Variants in TMEM42 observed in about 807,000 individuals in gnomAD.
TMEM42 encodes the protein transmembrane protein 42.
In TMEM42, 8 loss-of-function variants were observed where a neutral mutation model predicts 14.0. The observed-to-expected ratio is 0.57, with a 90% CI of 0.34 to 1.03. The LOEUF (loss-of-function observed/expected upper bound fraction) is 1.03, where lower values mean the gene tolerates loss of function less well. TMEM42 is among the 50% of genes least tolerant of loss of function. The probability of loss-of-function intolerance (pLI) is 0.03; values close to 1 mark genes in which losing one functional copy is unlikely to be tolerated. For synonymous variants in TMEM42, 115 were observed against 94.3 expected, an observed-to-expected ratio of 1.22 and a Z score of -1.27; for missense variants, 211 against 219.8, an observed-to-expected ratio of 0.96 and a Z score of 0.25.
At chr3:44,863,352 G>A (rs1699284528) in intron 1 of TMEM42, 1 of 118,862 alleles carries the variant, frequency 8.4e-6, no homozygotes, top group Non-Finnish European at 1.6e-5. Context: ...TCACCACCAA[G>A]CAAGGGGGAC....
chr3:44,865,130 C>T lies in TMEM42; in HGVS notation c.430C>T (p.His144Tyr), dbSNP rs748174992. The change falls in exon 3 of 3, where the codon CAC (histidine) becomes TAC (tyrosine). Residue 144 changes from histidine (H) to tyrosine (Y), a missense_variant. Transcript: ENST00000302392. ...FLILCGLTLI[H>Y]RKLPPTWKPL... ...TATTCTCTGCGGACTCACCCTAATC[C>T]ACAGGAAGCTCCCACCCACCTGGAA... is the stretch of plus-strand genomic sequence containing the variant. 2.5e-6 allele frequency: 4 copies of T among 1,614,148 alleles called. No individual in the cohort carries two copies. Among genetic ancestry groups the T allele is most frequent in the Non-Finnish European group, 3.4e-6 (4 of 1,180,022 alleles).
intron 1 of TMEM42, 160 bp from the exon 2 acceptor site, chr3:44,864,037 A>G (rs1392084360): frequency 5.5e-6 from 4 of 730,732 alleles, no homozygotes; most frequent in Non-Finnish European, 9.0e-6. Flanking sequence ...ACTGAGGGTT[A>G]AGTGAAGCCC....
Position 44,865,197 on chromosome 3 carries a change from G to A in TMEM42, c.*17G>A, listed in dbSNP as rs778901542. 11 of 1,613,950 alleles carry A rather than the reference G, an allele frequency of 6.8e-6. No individual in the cohort carries two copies. Among genetic ancestry groups the A allele is most frequent in the East Asian group, 4.5e-5 (2 of 44,864 alleles). On this transcript the variant is annotated 3_prime_UTR_variant, in exon 3 of 3. Transcript: ENST00000302392. ...CAGCAGTAGCACCACTTGGCTAGAC[G>A]GACCAGCTGGAAAGATCATGATGGT...
At chr3:44,864,098 A>C in intron 1 of TMEM42, 99 bp from the exon 2 acceptor site, 1 of 1,495,084 alleles carries the variant, frequency 6.7e-7, no homozygotes, top group Non-Finnish European at 9.2e-7. Flanking sequence ...GCTCAGTAGG[A>C]GCCTGGGTGC....
At chr3:44,864,117 A>G in intron 1 of TMEM42, 80 bp from the exon 2 acceptor site, 1 of 1,582,276 alleles carries the variant, frequency 6.3e-7, no homozygotes, top group Non-Finnish European at 8.6e-7. Flanking sequence ...GCCAGCAACC[A>G]CAGTCCTGGG....
chr3:44,865,279 C>A lies in TMEM42; in HGVS notation c.*99C>A. ...ATCCTAGGGCGATCCAGTTGTGCAG[C>A]CTTCTGACCATCAGCCAAGGGAAGC... On this transcript the variant is annotated 3_prime_UTR_variant, in exon 3 of 3. Transcript: ENST00000302392. The A allele has an allele frequency of 6.6e-7, 1 of 1,512,810 alleles. No homozygotes were observed. The highest frequency in any genetic ancestry group is 1.8e-5 in the Admixed American group (1 of 56,374). 93.7% of individuals were successfully genotyped at this position (1,512,810 alleles called of 1,614,324 possible).
chr3:44,861,950 G>A lies in TMEM42; in HGVS notation c.26G>A (p.Gly9Asp). ...ATGGCCGAGAGGCCGGGGCCTCCGG[G>A]CGGCGCCGTGTCCGCGACCGCGTAC... MAERPGPP[G>D]GAVSATAYPD... Residue 9 changes from glycine (G) to aspartate (D), a missense_variant, in exon 1 of 3, where the codon GGC (glycine) becomes GAC (aspartate). Coordinates refer to ENST00000302392, the MANE Select transcript of TMEM42 (RefSeq NM_144638.3). 7.1e-7 allele frequency: 1 copy of A among 1,407,838 alleles called. No individual in the cohort carries two copies. Among genetic ancestry groups the A allele is most frequent in the East Asian group, 3.0e-5 (1 of 32,998 alleles). 87.2% of individuals were successfully genotyped at this position (1,407,838 alleles called of 1,614,324 possible).
intron 1 of TMEM42, 25 bp from the exon 2 acceptor site, chr3:44,864,172 G>A (rs546536597): frequency 6.2e-7 from 1 of 1,612,650 alleles, no homozygotes; most frequent in Non-Finnish European, 8.5e-7. Flanking sequence ...GGTGGACGTG[G>A]CTGCAGTGAC....
intron 2 of TMEM42, 118 bp downstream of exon 2, chr3:44,864,461 G>A (rs1012016111): frequency 5.3e-6 from 7 of 1,311,286 alleles, no homozygotes; most frequent in Non-Finnish European, 5.3e-6. Flanking sequence ...CAGAGGTTGG[G>A]CTGTGGCTTG....
Position 44,865,434 on chromosome 3 carries a change from C to T in TMEM42, c.*254C>T, listed in dbSNP as rs895126852. 29 of 474,482 alleles carry T rather than the reference C, an allele frequency of 6.1e-5. No homozygotes were observed. The highest frequency in any genetic ancestry group is 2.5e-4 in the African/African-American group (13 of 52,384). The allele number at this position is 474,482 out of a possible 1,614,324, so 29.4% of individuals were successfully genotyped here. A position where few individuals can be genotyped will look rare whatever the true frequency, so the allele number is the denominator to read the frequency against. On this transcript the variant is annotated 3_prime_UTR_variant, in exon 3 of 3. Transcript: ENST00000302392. ...TCCCAGGCCTACCCCAGTGAGCCTT[C>T]GCAGATGCTGGAGATCCTGGGGTTG...
rs1169242821 is a variant in TMEM42, at chr3:44,861,998, C to T, written c.74C>T (p.Pro25Leu). The T allele has an allele frequency of 1.4e-6, 2 of 1,386,438 alleles. No homozygotes were observed. The highest frequency in any genetic ancestry group is 6.0e-5 in the East Asian group (2 of 33,416). 85.9% of individuals were successfully genotyped at this position (1,386,438 alleles called of 1,614,324 possible). ...TACCCTGACACCCCCGCGGAATTCCCTCCGCACCTCCAGGCGGGTGCGATG... is the reference window on the plus strand; with the variant it reads ...TACCCTGACACCCCCGCGGAATTCCTTCCGCACCTCCAGGCGGGTGCGATG... The part of the protein sequence containing the change: ...TAYPDTPAEF[P>L]PHLQAGAMRR... The change falls in exon 1 of 3, where the codon CCT becomes CTT. Residue 25 changes from proline (P) to leucine (L), a missense_variant. Transcript: ENST00000302392.
At position 44,865,367 on chromosome 3, in the gene TMEM42, C is replaced by T. The variant is rs1331478675; in HGVS notation, c.*187C>T. On this transcript the variant is annotated 3_prime_UTR_variant, in exon 3 of 3. Transcript: ENST00000302392. ...AGGTGCAGCTGCAGCAGTGTTCTAC[C>T]GGAAGTGTTTTGATCATCTGTACAG... The T allele has an allele frequency of 6.7e-6, 5 of 745,598 alleles. No homozygotes were observed. The highest frequency in any genetic ancestry group is 1.8e-5 in the South Asian group (1 of 54,446). 46.2% of individuals were successfully genotyped at this position (745,598 alleles called of 1,614,324 possible).
At chr3:44,864,900 G>T in intron 2 of TMEM42, 140 bp from the exon 3 acceptor site, 1 of 1,067,748 alleles carries the variant, frequency 9.4e-7, no homozygotes, top group South Asian at 1.6e-5. Context: ...CTTGATGAAG[G>T]TGACAGCTAG....
rs377066913 is a variant in TMEM42 at position 44,864,315 on chromosome 3, C to A, written c.311C>A (p.Thr104Lys). The A allele has an allele frequency of 6.2e-7, 1 of 1,614,070 alleles. No individual in the cohort carries two copies. The highest frequency in any genetic ancestry group is 8.5e-7 in the Non-Finnish European group (1 of 1,180,046). Residue 104 changes from threonine to lysine, a missense_variant, in exon 2 of 3, where the codon ACA becomes AAA. Coordinates refer to ENST00000302392, the MANE Select transcript of TMEM42 (RefSeq NM_144638.3). ...FSMSSAIASVTVTFSNILSSA... is the reference protein window; with the variant it reads ...FSMSSAIASVKVTFSNILSSA... Reference sequence around the variant, plus strand: ...ATGTCTTCAGCCATTGCATCTGTCACAGTGACTTTTTCAAATATCCTCAGC... The same window carrying A: ...ATGTCTTCAGCCATTGCATCTGTCAAAGTGACTTTTTCAAATATCCTCAGC...
chr3:44,865,146 C>A lies in TMEM42; in HGVS notation c.446C>A (p.Pro149His). Residue 149 changes from proline (P) to histidine (H), a missense_variant, in exon 3 of 3, where the codon CCC becomes CAC. Physicochemically the swap from Pro to His is moderately conservative, Grantham distance 77. Transcript: ENST00000302392. ...GLTLIHRKLPPTWKPLPHKQQ is the reference protein window; with the variant it reads ...GLTLIHRKLPHTWKPLPHKQQ ...ACCCTAATCCACAGGAAGCTCCCAC[C>A]CACCTGGAAGCCCCTTCCACACAAG... is the stretch of plus-strand genomic sequence containing the variant. The A allele has an allele frequency of 6.2e-7, 1 of 1,614,176 alleles. No homozygotes were observed. Among genetic ancestry groups the A allele is most frequent in the South Asian group, 1.1e-5 (1 of 91,082 alleles).
At chr3:44,864,538 GA>G (rs965569733) in intron 2 of TMEM42, among the ~76,000 whole-genome samples, 195 bp downstream of exon 2, 9 of 152,150 alleles carry the variant, frequency 5.9e-5, no homozygotes, top group African/African-American at 2.2e-4. Flanking sequence ...TCTTAAGTTA[GA>G]TATGAGTGAA....
At position 44,865,029 on chromosome 3, in the gene TMEM42, T is replaced by C. The variant is rs1201623249; in HGVS notation, c.340-11T>C. ...GAAGTTGAGTCCCTCACAGCTATCTTTGTCTCGCAGGCCTTCCTGGGCTAT... is the reference window on the plus strand; with the variant it reads ...GAAGTTGAGTCCCTCACAGCTATCTCTGTCTCGCAGGCCTTCCTGGGCTAT... On this transcript the variant is annotated splice_polypyrimidine_tract_variant and intron_variant, in intron 2 of 2. Coordinates refer to ENST00000302392, the MANE Select transcript of TMEM42 (RefSeq NM_144638.3). 6.2e-7 allele frequency: 1 copy of C among 1,613,782 alleles called. No homozygotes were observed. The highest frequency in any genetic ancestry group is 1.7e-5 in the Admixed American group (1 of 60,000).
rs894996285 is a variant in TMEM42, at chr3:44,863,986, T to C, written c.193-211T>C. On this transcript the variant is annotated intron_variant, in intron 1 of 2. Transcript: ENST00000302392. ...CCAGCAAGGTGGCCAAATGAGTATC[T>C]TCTCTGAATTTGCTTTATTTGTAAG... The C allele has an allele frequency of 5.3e-6, 3 of 562,884 alleles. No homozygotes were observed. In the East Asian group the frequency reaches 8.5e-5, roughly 16 times the overall value. 34.9% of individuals were successfully genotyped at this position (562,884 alleles called of 1,614,324 possible).
intron 1 of TMEM42, chr3:44,863,111 T>TA (rs1437455288): frequency 1.8e-4 from 28 of 152,080 alleles, no homozygotes. Context: ...ATTTTTTTTT[T>TA]AGCTCATCAT....
Sources: gnomAD v4.1 joint callset for allele counts (sites outside exome capture counted in the v4.1 genomes callset) on GRCh38, gnomAD v4.1.1 for gene constraint, MANE v1.5 for transcripts, NCBI Gene and HGNC (gene_info 2026-07-23, HGNC 2026-07-21) for gene names.